SYNE1: variants seen among roughly 807,000 people sequenced by gnomAD.
SYNE1 encodes the protein spectrin repeat containing nuclear envelope protein 1.
In SYNE1, 616 loss-of-function variants were observed where a neutral mutation model predicts 1,111.0. That is an observed-to-expected ratio of 0.55 (90% CI 0.52 to 0.59). The LOEUF is 0.59. Ranked by LOEUF, SYNE1 falls within the 20% of genes least tolerant of loss-of-function variation. The probability of loss-of-function intolerance (pLI) is 0.00; values close to 1 mark genes in which losing one functional copy is unlikely to be tolerated. For missense variants in SYNE1, 10,006 were observed against 10,417.0 expected, an observed-to-expected ratio of 0.96 and a Z score of 1.72; for synonymous variants, 3,855 against 3,825.8, an observed-to-expected ratio of 1.01 and a Z score of -0.28.
chr6:152,322,115 A>C (rs1299476419), intron 82 of SYNE1, among the ~76,000 whole-genome samples: 1 of 152,232 alleles, frequency 6.6e-6, no homozygotes, highest in Non-Finnish European at 1.5e-5. Flanking sequence ...ACATGCCACT[A>C]AATTGCAATC....
chr6:152,480,295 C>T (rs1414230560), intron 14 of SYNE1, among the ~76,000 whole-genome samples: 1 of 151,868 alleles, frequency 6.6e-6, no homozygotes, highest in Non-Finnish European at 1.5e-5. Context: ...CTGAGGCAGG[C>T]GGATCACTTG....
chr6:152,192,158 G>C (rs932704955), intron 127 of SYNE1, among the ~76,000 whole-genome samples: 1 of 152,126 alleles, frequency 6.6e-6, no homozygotes, highest in African/African-American at 2.4e-5. Flanking sequence ...CTTGTTTTGT[G>C]GCCTAACATA....
intron 3 of SYNE1, among the ~76,000 whole-genome samples, chr6:152,560,756 T>A (rs2099392646): frequency 6.6e-6 from 1 of 152,176 alleles, no homozygotes; most frequent in African/African-American, 2.4e-5. Flanking sequence ...CAAGAATGGT[T>A]CACTATATGC....
intron 107 of SYNE1, among the ~76,000 whole-genome samples, chr6:152,241,629 G>A (rs1375024045): frequency 1.3e-5 from 2 of 151,840 alleles, no homozygotes; most frequent in Non-Finnish European, 2.9e-5. Flanking sequence ...TGATTACATA[G>A]TAAACGGCCT....
At chr6:152,271,329 G>C (rs1008442493) in intron 98 of SYNE1, among the ~76,000 whole-genome samples, 3 of 152,104 alleles carry the variant, frequency 2.0e-5, no homozygotes, top group African/African-American at 7.2e-5. Flanking sequence ...TAAATGAACA[G>C]TAAAAACCTG....
chr6:152,277,755 T>C, intron 98 of SYNE1: 1 of 378,176 alleles, frequency 2.6e-6, no homozygotes. Context: ...ATCTCATTCC[T>C]CTATATACCA....
At chr6:152,184,629 T>C (rs892182564) in intron 128 of SYNE1, among the ~76,000 whole-genome samples, 10 of 130,976 alleles carry the variant, frequency 7.6e-5, no homozygotes, top group African/African-American at 2.7e-4. Flanking sequence ...ATTATACACA[T>C]ATATAGATAG....
At chr6:152,341,779 G>A (rs960436955) in intron 74 of SYNE1, among the ~76,000 whole-genome samples, 2 of 152,266 alleles carry the variant, frequency 1.3e-5, no homozygotes, top group East Asian at 3.9e-4. Flanking sequence ...ACTTCTTTAA[G>A]CAGGAAGTTG....
intron 11 of SYNE1, among the ~76,000 whole-genome samples, chr6:152,497,410 T>C (rs190937387): frequency 1.1e-3 from 170 of 152,300 alleles, no homozygotes; most frequent in African/African-American, 3.8e-3. Flanking sequence ...CAGAAAAGCA[T>C]TGATACCACA....
At chr6:152,278,691 G>A (rs982939914) in intron 97 of SYNE1, among the ~76,000 whole-genome samples, 4 of 152,116 alleles carry the variant, frequency 2.6e-5, no homozygotes, top group African/African-American at 9.7e-5. Context: ...TAGATCTCCT[G>A]ACCTCATGAT....
At chr6:152,367,515 A>G in intron 61 of SYNE1, 133 bp from the exon 62 acceptor site, 2 of 968,296 alleles carry the variant, frequency 2.1e-6, no homozygotes, top group Non-Finnish European at 3.3e-6. Context: ...GTCTGGCCTA[A>G]ATCTATGAGA....
Position 152,215,583 on chromosome 6 carries a change from A to G in SYNE1, c.22192-523T>C, listed in dbSNP as rs931602770. Among the ~76,000 whole-genome samples, 13 of 152,202 alleles carry G rather than the reference A, an allele frequency of 8.5e-5. 1 individual carries two copies. Among genetic ancestry groups the G allele is most frequent in the Non-Finnish European group, 1.5e-4 (10 of 68,034 alleles). On this transcript the variant is annotated intron_variant, in intron 121 of 145. Coordinates refer to ENST00000367255, the MANE Select transcript of SYNE1 (RefSeq NM_182961.4). ...TAAAAGACCTTACTTCTTACCATTT[A>G]CGTTTAATTTGTTCATGCTAATTTC...
At chr6:152,375,849 T>A (rs1178633978) in intron 58 of SYNE1, among the ~76,000 whole-genome samples, 1 of 152,230 alleles carries the variant, frequency 6.6e-6, no homozygotes, top group African/African-American at 2.4e-5. Context: ...TAGTGTGCAT[T>A]TATATAAATG....
intron 20 of SYNE1, chr6:152,462,491 T>G (rs1228406517): frequency 1.7e-6 from 1 of 591,352 alleles, no homozygotes; most frequent in African/African-American, 1.9e-5. Context: ...CTAATACTTT[T>G]TAACTTGGTT....
At chr6:152,423,842 C>T (rs1416414611) in intron 39 of SYNE1, among the ~76,000 whole-genome samples, 2 of 152,154 alleles carry the variant, frequency 1.3e-5, no homozygotes, top group Non-Finnish European at 2.9e-5. Context: ...CATTTTTGCT[C>T]CCTTTGCCTG....
rs147828332 is a variant in SYNE1, at chr6:152,487,294, G to A, written c.1047+1102C>T. The stretch of plus-strand genomic sequence containing the variant: ...AGCTCCCACTTATAAGTGAGAACAC[G>A]CAGGGTTTGGTTTTCTGTTCCTGCA... On this transcript the variant is annotated intron_variant, in intron 12 of 145. Coordinates refer to ENST00000367255, the MANE Select transcript of SYNE1 (RefSeq NM_182961.4). Among the ~76,000 whole-genome samples the A allele has an allele frequency of 1.2e-4, 18 of 152,286 alleles. 1 individual carries two copies. The East Asian group carries it at 2.5e-3, about 21-fold the overall frequency.
chr6:152,576,797 G>A (rs544045563), intron 3 of SYNE1, among the ~76,000 whole-genome samples: 8 of 152,296 alleles, frequency 5.3e-5, no homozygotes, highest in African/African-American at 1.9e-4. Flanking sequence ...GCTTCCCTGA[G>A]TGTAATCACA....
At chr6:152,580,907 T>G (rs1009240914) in intron 3 of SYNE1, among the ~76,000 whole-genome samples, 3 of 152,192 alleles carry the variant, frequency 2.0e-5, no homozygotes, top group Admixed American at 6.5e-5. Context: ...CCAGAACACA[T>G]GTACACTTAG....
chr6:152,350,127 T>C (rs1409655852), intron 72 of SYNE1, 41 bp downstream of exon 72: 4 of 1,611,922 alleles, frequency 2.5e-6, no homozygotes, highest in South Asian at 1.1e-5. Flanking sequence ...CACACACTGG[T>C]GAAGCCATCC....
Sources: allele counts gnomAD v4.1 joint callset (sites outside exome capture counted in the v4.1 genomes callset), GRCh38; gene constraint gnomAD v4.1.1; transcripts MANE v1.5; gene names NCBI Gene and HGNC (gene_info 2026-07-23, HGNC 2026-07-21).